ATG5: variants seen among roughly 807,000 people sequenced by gnomAD.
ATG5 encodes autophagy related 5.
Under a neutral mutation model 36.5 loss-of-function variants are expected in ATG5, and 14 were observed. That is an observed-to-expected ratio of 0.38 (90% CI 0.25 to 0.60). ATG5 has a LOEUF of 0.60. Ranked by LOEUF, ATG5 falls within the 20% of genes least tolerant of loss-of-function variation. ATG5 has a pLI of 0.60. For synonymous variants in ATG5, 95 were observed against 101.5 expected, an observed-to-expected ratio of 0.94 and a Z score of 0.38; for missense variants, 195 against 326.7, an observed-to-expected ratio of 0.60 and a Z score of 3.11.
chr6:106,214,891 A>G (rs1369278537), intron 6 of ATG5, among the ~76,000 whole-genome samples: 1 of 152,196 alleles, frequency 6.6e-6, no homozygotes, highest in Non-Finnish European at 1.5e-5. Flanking sequence ...GCTTCATATA[A>G]AAGTGCTAGG....
rs1169119665 is a variant in ATG5, at chr6:106,226,835, T to C, written c.573+21315A>G. On this transcript the variant is annotated intron_variant, in intron 6 of 7. Coordinates refer to ENST00000369076, the MANE Select transcript of ATG5 (RefSeq NM_004849.4). ...GGAGTTGAAAAGCACAAAAACTGAA[T>C]TAACTTGAGGGGCTCAACAGCTGAT... Among the ~76,000 whole-genome samples, 9 of 152,108 alleles carry C rather than the reference T, an allele frequency of 5.9e-5. No homozygotes were observed. The East Asian group carries it at 1.7e-3, about 29-fold the overall frequency.
At chr6:106,264,238 G>T (rs995239368) in intron 5 of ATG5, among the ~76,000 whole-genome samples, 1 of 151,986 alleles carries the variant, frequency 6.6e-6, no homozygotes, top group Admixed American at 6.5e-5. Context: ...TGGAAGAAAG[G>T]ATATCAGAGA....
intron 5 of ATG5, among the ~76,000 whole-genome samples, chr6:106,249,542 C>T (rs1452901149): frequency 6.6e-6 from 1 of 152,130 alleles, no homozygotes; most frequent in South Asian, 2.1e-4. Flanking sequence ...ATAAATAATG[C>T]TACTATGAAC....
chr6:106,202,197 G>C lies in ATG5; in HGVS notation c.574-108C>G, dbSNP rs1011117640. On this transcript the variant is annotated intron_variant, in intron 6 of 7. Coordinates refer to ENST00000369076, the MANE Select transcript of ATG5 (RefSeq NM_004849.4). ...TTGGCATTAGGTGCCTTTTGATACG[G>C]TGTTAGCATAATTACACAACATCAC... 31 of 738,208 alleles carry C rather than the reference G, an allele frequency of 4.2e-5. No homozygotes were observed. In the South Asian group the frequency reaches 5.3e-4, roughly 13 times the overall value. The allele number at this position is 738,208 out of a possible 1,614,324, so 45.7% of individuals were successfully genotyped here.
At chr6:106,309,402 G>A (rs1041928009) in intron 2 of ATG5, among the ~76,000 whole-genome samples, 6 of 152,088 alleles carry the variant, frequency 3.9e-5, no homozygotes, top group Non-Finnish European at 5.9e-5. Context: ...GTAGGAGAAC[G>A]TGACATTGAT....
chr6:106,285,805 T>G (rs754989969), intron 4 of ATG5, among the ~76,000 whole-genome samples: 16 of 152,198 alleles, frequency 1.1e-4, no homozygotes, highest in Admixed American at 2.0e-4. Context: ...CACAAAATAT[T>G]TTTTTAAATT....
intron 6 of ATG5, among the ~76,000 whole-genome samples, chr6:106,226,491 T>C (rs564511350): frequency 1.5e-4 from 23 of 152,250 alleles, no homozygotes; most frequent in African/African-American, 4.8e-4. Flanking sequence ...CTGGACTTAC[T>C]GGACAAAGAC....
intron 5 of ATG5, among the ~76,000 whole-genome samples, chr6:106,278,316 T>TA (rs911926964): frequency 6.6e-6 from 1 of 152,248 alleles, no homozygotes; most frequent in African/African-American, 2.4e-5. Flanking sequence ...ACATATAACT[T>TA]ATGGGCAAGC....
At chr6:106,250,133 C>CTA (rs1246658859) in intron 5 of ATG5, among the ~76,000 whole-genome samples, 1 of 151,986 alleles carries the variant, frequency 6.6e-6, no homozygotes, top group Non-Finnish European at 1.5e-5. Context: ...AATCTTATCT[C>CTA]TATAAAGCAA....
intron 5 of ATG5, among the ~76,000 whole-genome samples, chr6:106,267,149 A>G (rs1234834273): frequency 2.0e-5 from 3 of 152,272 alleles, no homozygotes; most frequent in Non-Finnish European, 2.9e-5. Flanking sequence ...GCAAAGTCTC[A>G]GCATACAAAA....
intron 2 of ATG5, among the ~76,000 whole-genome samples, chr6:106,310,319 C>T (rs1770601941): frequency 6.6e-6 from 1 of 152,044 alleles, no homozygotes; most frequent in Admixed American, 6.6e-5. Flanking sequence ...TCCGTTTGGC[C>T]TGTGGGAGTA....
intron 4 of ATG5, among the ~76,000 whole-genome samples, chr6:106,286,148 C>T (rs1053833956): frequency 9.9e-5 from 15 of 152,162 alleles, no homozygotes; most frequent in Non-Finnish European, 1.3e-4. Context: ...AGAACATACA[C>T]GTACACTTTG....
intron 5 of ATG5, among the ~76,000 whole-genome samples, chr6:106,267,073 T>C (rs1471786344): frequency 6.6e-6 from 1 of 152,192 alleles, no homozygotes; most frequent in Non-Finnish European, 1.5e-5. Context: ...GCAGATGACA[T>C]GATTGTATAC....
At chr6:106,305,345 C>T (rs1039093659) in intron 3 of ATG5, among the ~76,000 whole-genome samples, 1 of 152,164 alleles carries the variant, frequency 6.6e-6, no homozygotes, top group Admixed American at 6.5e-5. Context: ...GCCCCCGGTA[C>T]TCTTCATCTA....
intron 5 of ATG5, among the ~76,000 whole-genome samples, chr6:106,260,876 G>A (rs1368814391): frequency 6.6e-6 from 1 of 152,146 alleles, no homozygotes; most frequent in East Asian, 1.9e-4. Flanking sequence ...GGTCTATACA[G>A]GCCAAGTTCA....
chr6:106,269,639 C>G (rs908052602), intron 5 of ATG5, among the ~76,000 whole-genome samples: 1 of 152,256 alleles, frequency 6.6e-6, no homozygotes, highest in African/African-American at 2.4e-5. Context: ...TCCGCAGCCG[C>G]TGGCCCGGGT....
chr6:106,323,339 G>A (rs1040580540), intron 1 of ATG5, among the ~76,000 whole-genome samples: 6 of 145,296 alleles, frequency 4.1e-5, no homozygotes, highest in Admixed American at 7.0e-5. Flanking sequence ...AAGGATCATG[G>A]GTCACTGTAA....
At chr6:106,306,894 G>C (rs1297304170) in intron 3 of ATG5, among the ~76,000 whole-genome samples, 2 of 152,144 alleles carry the variant, frequency 1.3e-5, no homozygotes, top group Non-Finnish European at 2.9e-5. Context: ...TATGCTGCGT[G>C]AGGTCTAGAA....
At chr6:106,291,902 T>C (rs540446934) in intron 4 of ATG5, among the ~76,000 whole-genome samples, 29 of 152,358 alleles carry the variant, frequency 1.9e-4, no homozygotes, top group African/African-American at 6.0e-4. Flanking sequence ...AAGCACATTA[T>C]AATAAATGTA....
Sources: gnomAD v4.1 joint callset for allele counts (sites outside exome capture counted in the v4.1 genomes callset) on GRCh38, gnomAD v4.1.1 for gene constraint, MANE v1.5 for transcripts, NCBI Gene and HGNC (gene_info 2026-07-23, HGNC 2026-07-21) for gene names.